The following ENOX2 variants were observed in gnomAD, a reference collection of about 807,000 sequenced individuals.
ENOX2 encodes APK1 antigen.
In ENOX2, 36 loss-of-function variants were observed where a neutral mutation model predicts 45.0. The observed-to-expected ratio is 0.80, with a 90% confidence interval of 0.61 to 1.06. ENOX2 has a LOEUF of 1.06. ENOX2 is among the 50% of genes least tolerant of loss of function. The probability of loss-of-function intolerance (pLI) is 0.00; values close to 1 mark genes in which losing one functional copy is unlikely to be tolerated. For missense variants in ENOX2, 423 were observed against 462.5 expected, an observed-to-expected ratio of 0.91 and a Z score of 0.78; for synonymous variants, 174 against 152.3, an observed-to-expected ratio of 1.14 and a Z score of -1.05.
At chrX:130,702,352 C>T (rs1259601800) in intron 4 of ENOX2, among the ~76,000 whole-genome samples, 1 of 111,300 alleles carries the variant, frequency 9.0e-6, no homozygotes, top group East Asian at 2.8e-4. Flanking sequence ...CTTTGAGTAG[C>T]AAGGTTCTAG....
intron 2 of ENOX2, among the ~76,000 whole-genome samples, chrX:130,816,168 C>T (rs886635061): frequency 8.9e-6 from 1 of 111,808 alleles, no homozygotes; most frequent in African/African-American, 3.3e-5. Context: ...AAAAAGACAA[C>T]GAAGAGCATT....
At chrX:130,700,037 T>C (rs1045035413) in intron 4 of ENOX2, among the ~76,000 whole-genome samples, 7 of 111,994 alleles carry the variant, frequency 6.3e-5, no homozygotes, top group African/African-American at 1.9e-4. Flanking sequence ...ATAGGTGCCG[T>C]TATTATCTGC....
At chrX:130,779,145 T>C (rs1382692317) in intron 3 of ENOX2, among the ~76,000 whole-genome samples, 1 of 112,541 alleles carries the variant, frequency 8.9e-6, no homozygotes, top group Non-Finnish European at 1.9e-5. Context: ...TGATTTTACA[T>C]GGGTTTAACA....
chrX:130,694,706 G>A (rs977225659), intron 4 of ENOX2, among the ~76,000 whole-genome samples: 17 of 106,055 alleles, frequency 1.6e-4, no homozygotes, highest in African/African-American at 4.1e-4. Context: ...GGGTTCAAGC[G>A]ATTCTCCTGC....
chrX:130,763,070 T>C (rs1180638310), intron 3 of ENOX2, among the ~76,000 whole-genome samples: 1 of 112,571 alleles, frequency 8.9e-6, no homozygotes, highest in Non-Finnish European at 1.9e-5. Flanking sequence ...CACTATATAA[T>C]CTTCCTCTTT....
In ENOX2 at chrX:130,625,306, A is replaced by G; in HGVS notation, c.*8T>C. 2.5e-6 allele frequency: 3 copies of G among 1,208,283 alleles called. No individual in the cohort carries two copies. Among genetic ancestry groups the G allele is most frequent in the Non-Finnish European group, 3.4e-6 (3 of 894,000 alleles). On this transcript the variant is annotated 3_prime_UTR_variant, in exon 15 of 15. Transcript: ENST00000394363. ...TCTTCAGGATCCCAAGTTGTTAGGC[A>G]AAGAGATTTAGGTCAGCTTCAAGCC... is the stretch of plus-strand genomic sequence containing the variant.
intron 2 of ENOX2, among the ~76,000 whole-genome samples, chrX:130,827,478 T>C (rs2148479268): frequency 9.0e-6 from 1 of 111,609 alleles, no homozygotes; most frequent in Admixed American, 9.5e-5. Context: ...TACTATGCTC[T>C]GACAATCCCC....
At chrX:130,679,779 T>TA in intron 5 of ENOX2, 31 bp from the exon 6 acceptor site, 1 of 1,100,928 alleles carries the variant, frequency 9.1e-7, no homozygotes, top group Non-Finnish European at 1.3e-6. Context: ...CATTTGAAAT[T>TA]AAAATGTTTG....
chrX:130,661,230 C>T (rs762784441), intron 9 of ENOX2, among the ~76,000 whole-genome samples: 2 of 108,191 alleles, frequency 1.8e-5, no homozygotes, highest in South Asian at 8.4e-4. Flanking sequence ...GCTCTGTTGC[C>T]CAGGCTGGAG....
chrX:130,864,594 T>G (rs1047604135), intron 2 of ENOX2, among the ~76,000 whole-genome samples: 1 of 112,519 alleles, frequency 8.9e-6, no homozygotes, highest in Non-Finnish European at 1.9e-5. Flanking sequence ...GTCATTGCTA[T>G]GTAAGTAGTT....
intron 5 of ENOX2, among the ~76,000 whole-genome samples, chrX:130,687,173 T>C (rs1226626627): frequency 8.9e-6 from 1 of 112,475 alleles, no homozygotes; most frequent in Non-Finnish European, 1.9e-5. Context: ...GGTCTATGTG[T>C]CATAAACAAG....
At chrX:130,663,446 A>T (rs1448103761) in intron 9 of ENOX2, among the ~76,000 whole-genome samples, 1 of 106,582 alleles carries the variant, frequency 9.4e-6, no homozygotes, top group Non-Finnish European at 1.9e-5. Context: ...CAGGAGAATC[A>T]CTTGAACCCA....
chrX:130,826,601 T>A (rs1190852058), intron 2 of ENOX2, among the ~76,000 whole-genome samples: 1 of 111,339 alleles, frequency 9.0e-6, no homozygotes, highest in African/African-American at 3.3e-5. Flanking sequence ...TGTTTTTAGG[T>A]TTAAGAAAAA....
At chrX:130,867,343 C>A (rs935737216) in intron 2 of ENOX2, among the ~76,000 whole-genome samples, 1 of 111,669 alleles carries the variant, frequency 9.0e-6, no homozygotes, top group African/African-American at 3.2e-5. Context: ...TTCTTTAATA[C>A]TACATCAAAA....
chrX:130,903,139 C>G lies in ENOX2; in HGVS notation c.-321G>C, dbSNP rs911832682. The G allele has an allele frequency of 1.8e-5, 2 of 112,773 alleles. No homozygotes were observed. The highest frequency in any genetic ancestry group is 6.5e-5 in the African/African-American group (2 of 30,930). 9.3% of individuals were successfully genotyped at this position (112,773 alleles called of 1,213,427 possible). A position where few individuals can be genotyped will look rare whatever the true frequency, so the allele number is the denominator to read the frequency against. On this transcript the variant is annotated 5_prime_UTR_variant, in exon 1 of 15. Coordinates refer to ENST00000394363, the MANE Select transcript of ENOX2 (RefSeq NM_006375.4). ...AGTTCCTGGGCTCGTAGTGCCCTCG[C>G]GGCGCCCCACGCCGCGCCACTCTCT...
chrX:130,803,078 T>C (rs1389442225), intron 2 of ENOX2, among the ~76,000 whole-genome samples: 1 of 112,056 alleles, frequency 8.9e-6, no homozygotes. Context: ...TGTAAGAATA[T>C]GGGCTTTATG....
Position 130,791,992 on chromosome X carries a change from G to C in ENOX2, c.-182-8302C>G, listed in dbSNP as rs191818018. On this transcript the variant is annotated intron_variant, in intron 2 of 14. Transcript: ENST00000394363. ...GTTAAGAAAAGGCAGTCTCTATCCA[G>C]TCTACCATTGATGGGCATTTAGGTT... Among the ~76,000 whole-genome samples, 113 of 112,246 alleles carry C rather than the reference G, an allele frequency of 1.0e-3. 2 individuals carry two copies. The highest frequency in any genetic ancestry group is 9.1e-3 in the Admixed American group (97 of 10,608).
chrX:130,887,780 G>A (rs1176505044), intron 2 of ENOX2, among the ~76,000 whole-genome samples: 2 of 111,511 alleles, frequency 1.8e-5, no homozygotes, highest in African/African-American at 3.3e-5. Context: ...AGAACTTTAC[G>A]ATTTGCATGC....
chrX:130,889,894 G>A (rs12390248), intron 2 of ENOX2, among the ~76,000 whole-genome samples: 336 of 112,678 alleles, frequency 3.0e-3, no homozygotes, highest in African/African-American at 0.01. Context: ...CCCTGCTACC[G>A]TCCACCACAG....
Sources: allele counts gnomAD v4.1 joint callset (sites outside exome capture counted in the v4.1 genomes callset), GRCh38; gene constraint gnomAD v4.1.1; transcripts MANE v1.5; gene names NCBI Gene and HGNC (gene_info 2026-07-23, HGNC 2026-07-21).